METTL22: variants seen among roughly 807,000 people sequenced by gnomAD.
The protein encoded by METTL22 is methyltransferase 22, Kin17 lysine.
In METTL22, 51 loss-of-function variants were observed where a neutral mutation model predicts 48.4. The ratio of observed to expected loss-of-function variants is 1.05; its 90% CI spans 0.84 to 1.33. The LOEUF is 1.33. METTL22 is among the 40% of genes most tolerant of loss of function. METTL22 has a pLI of 0.00. For synonymous variants in METTL22, 255 were observed against 214.1 expected (o/e 1.19, Z -1.67); for missense variants, 678 against 526.9 (o/e 1.29, Z -2.81).
intron 3 of METTL22, 59 bp downstream of exon 3, chr16:8,629,169 T>C: frequency 6.4e-7 from 1 of 1,567,076 alleles, no homozygotes; most frequent in South Asian, 1.2e-5. Flanking sequence ...GTGTCACTGC[T>C]CAGGGCTCAG....
rs747568335 is a variant in METTL22, at chr16:8,638,992, G to A, written c.701-99G>A. On this transcript the variant is annotated intron_variant, in intron 5 of 10. Coordinates refer to ENST00000381920, the MANE Select transcript of METTL22 (RefSeq NM_024109.4). ...TAGGAGAAACGTTTCTCTAATTTCT[G>A]CAGTTGTGCTGTTGATCACAGCTCT... 6.0e-6 allele frequency: 7 copies of A among 1,163,682 alleles called. No homozygotes were observed. The African/African-American group carries it at 1.1e-4, about 18-fold the overall frequency. 72.1% of individuals were successfully genotyped at this position (1,163,682 alleles called of 1,614,324 possible).
intron 3 of METTL22, 141 bp from the exon 4 acceptor site, chr16:8,634,898 T>A: frequency 9.5e-7 from 1 of 1,048,704 alleles, no homozygotes; most frequent in Non-Finnish European, 1.4e-6. Context: ...AGCCTGTGTT[T>A]CTGCTGCTCT....
chr16:8,646,017 T>A, intron 10 of METTL22, 91 bp from the exon 11 acceptor site: 5 of 1,584,976 alleles, frequency 3.2e-6, no homozygotes, highest in Non-Finnish European at 4.3e-6. Flanking sequence ...GTTGTCTAAC[T>A]ACTCTCCTTG....
At position 8,625,659 on chromosome 16, in the gene METTL22, C is replaced by G; in HGVS notation, c.-7C>G. 1 of 1,614,060 alleles carries G rather than the reference C, an allele frequency of 6.2e-7. No individual in the cohort carries two copies. Among genetic ancestry groups the G allele is most frequent in the Non-Finnish European group, 8.5e-7 (1 of 1,179,998 alleles). On this transcript the variant is annotated 5_prime_UTR_variant, in exon 2 of 11. Transcript: ENST00000381920. The stretch of plus-strand genomic sequence containing the variant: ...TCCTGTCCTAGGACTAAGGTGGAGC[C>G]TGGGCCATGGTACAGCTGGCTCCTG...
chr16:8,629,627 C>T (rs897414375), intron 3 of METTL22, among the ~76,000 whole-genome samples: 20 of 151,932 alleles, frequency 1.3e-4, no homozygotes, highest in African/African-American at 4.8e-4. Context: ...GAGCTAGAAG[C>T]CAGGTAAGAA....
the METTL22 span, among the ~76,000 whole-genome samples, chr16:8,657,065 A>T: frequency 6.6e-6 from 1 of 152,202 alleles, no homozygotes; most frequent in African/African-American, 2.4e-5. Flanking sequence ...ATACTGTTAC[A>T]ATAGGAATAC....
chr16:8,643,759 A>C (rs1053976242), intron 9 of METTL22, among the ~76,000 whole-genome samples: 2 of 152,078 alleles, frequency 1.3e-5, no homozygotes, highest in African/African-American at 4.8e-5. Context: ...GATTACAGGC[A>C]TGCGTCACCA....
intron 9 of METTL22, 37 bp downstream of exon 9, chr16:8,642,602 G>C (rs377511114): frequency 6.3e-7 from 1 of 1,580,572 alleles, no homozygotes; most frequent in Non-Finnish European, 8.7e-7. Flanking sequence ...CTGACGTCCC[G>C]AGTGTCAGCG....
At chr16:8,664,628 T>A in the METTL22 span, among the ~76,000 whole-genome samples, 2 of 152,040 alleles carry the variant, frequency 1.3e-5, no homozygotes, top group African/African-American at 2.4e-5. Flanking sequence ...AATTTATTTA[T>A]TTTTTGTATT....
chr16:8,621,949 C>A (rs1047924415), intron 1 of METTL22, among the ~76,000 whole-genome samples, 174 bp downstream of exon 1: 1 of 152,226 alleles, frequency 6.6e-6, no homozygotes, highest in Non-Finnish European at 1.5e-5. Context: ...AAGAAGTCCA[C>A]GTCCTCACCT....
At chr16:8,649,913 T>C (rs1432034940), downstream of METTL22, among the ~76,000 whole-genome samples, 1 of 152,218 alleles carries the variant, frequency 6.6e-6, no homozygotes, top group African/African-American at 2.4e-5. Flanking sequence ...AGATTCTGAC[T>C]CAGGCCCTGG....
At position 8,646,578 on chromosome 16, in the gene METTL22, G is replaced by A. The variant is rs1226847408; in HGVS notation, c.*435G>A. The A allele has an allele frequency of 2.1e-6, 1 of 465,626 alleles. No individual in the cohort carries two copies. The highest frequency in any genetic ancestry group is 2.3e-5 in the Admixed American group (1 of 42,820). The allele number at this position is 465,626 out of a possible 1,614,324, so 28.8% of individuals were successfully genotyped here. On this transcript the variant is annotated 3_prime_UTR_variant, in exon 11 of 11. Transcript: ENST00000381920. ...CATCATATTGCCGCTCGGCACAAAA[G>A]CCTCATTTCCTCCCAGGGTTGGGTA...
rs1301510227 is a variant in METTL22, at chr16:8,646,430, A to G, written c.*287A>G. On this transcript the variant is annotated 3_prime_UTR_variant, in exon 11 of 11. Coordinates refer to ENST00000381920, the MANE Select transcript of METTL22 (RefSeq NM_024109.4). ...CCACGTTCCTTCTCAGCTCAGTTCCACCCACGTCAGTCATTTCAGCTGTGT... is the reference window on the plus strand; with the variant it reads ...CCACGTTCCTTCTCAGCTCAGTTCCGCCCACGTCAGTCATTTCAGCTGTGT... 1.7e-5 allele frequency: 11 copies of G among 654,530 alleles called. No individual in the cohort carries two copies. Among genetic ancestry groups the G allele is most frequent in the Non-Finnish European group, 2.8e-5 (10 of 354,862 alleles). 40.5% of individuals were successfully genotyped at this position (654,530 alleles called of 1,614,324 possible).
chr16:8,652,348 A>T (rs2056911558), downstream of METTL22, among the ~76,000 whole-genome samples: 1 of 151,820 alleles, frequency 6.6e-6, no homozygotes. Flanking sequence ...AATCCCAGCT[A>T]CTCAGGAGGC....
Position 8,629,283 on chromosome 16 carries a change from C to A in METTL22, c.514+173C>A, listed in dbSNP as rs148382551. Among the ~76,000 whole-genome samples the A allele has an allele frequency of 1.8e-4, 28 of 152,314 alleles. No homozygotes were observed. In the East Asian group the frequency reaches 4.5e-3, roughly 24 times the overall value. On this transcript the variant is annotated intron_variant, in intron 3 of 10. Coordinates refer to ENST00000381920, the MANE Select transcript of METTL22 (RefSeq NM_024109.4). ...CCACAACCCCGTCACTCCTGCCCGGCTCACACCACCACAGCCTCACCCTGT... is the reference window on the plus strand; with the variant it reads ...CCACAACCCCGTCACTCCTGCCCGGATCACACCACCACAGCCTCACCCTGT...
chr16:8,626,761 C>CTTTTTTTT (rs34726811), intron 2 of METTL22, among the ~76,000 whole-genome samples: 6 of 52,536 alleles, frequency 1.1e-4, no homozygotes, highest in African/African-American at 1.6e-4. Context: ...GTCCTCTACT[C>CTTTTTTTT]TTTTTTTTTT....
intron 6 of METTL22, 137 bp downstream of exon 6, chr16:8,639,299 C>T (rs186377711): frequency 1.8e-4 from 140 of 759,314 alleles, no homozygotes; most frequent in Non-Finnish European, 2.9e-4. Context: ...GAGCAGGCGT[C>T]GTCTGGGCAT....
chr16:8,665,557 C>T, the METTL22 span, among the ~76,000 whole-genome samples: 4 of 152,220 alleles, frequency 2.6e-5, no homozygotes, highest in African/African-American at 9.7e-5. Flanking sequence ...TCTCGTAGGA[C>T]AGGTATTTGA....
At chr16:8,660,978 C>T in the METTL22 span, among the ~76,000 whole-genome samples, 1 of 151,954 alleles carries the variant, frequency 6.6e-6, no homozygotes, top group African/African-American at 2.4e-5. Flanking sequence ...TCTGGCCCGA[C>T]CAGTGGGGAA....
Sources: allele counts gnomAD v4.1 joint callset (sites outside exome capture counted in the v4.1 genomes callset), GRCh38; gene constraint gnomAD v4.1.1; transcripts MANE v1.5; gene names NCBI Gene and HGNC (gene_info 2026-07-23, HGNC 2026-07-21).